Variants in LIPI observed in about 807,000 individuals in gnomAD.
The protein encoded by LIPI is lipase I, also known as lipase member I.
In LIPI, 59 loss-of-function variants were observed where a neutral mutation model predicts 50.6. The observed-to-expected ratio is 1.16, with a 90% confidence interval of 0.94 to 1.45. The LOEUF (loss-of-function observed/expected upper bound fraction) is 1.45. LIPI is among the 40% of genes most tolerant of loss of function. LIPI has a pLI of 0.00. For missense variants in LIPI, 586 were observed against 536.3 expected (o/e 1.09, Z -0.92); for synonymous variants, 203 against 178.2 (o/e 1.14, Z -1.11).
chr21:14,198,180 G>A (rs1600932320), intron 1 of LIPI, among the ~76,000 whole-genome samples: 3 of 151,830 alleles, frequency 2.0e-5, no homozygotes, highest in African/African-American at 4.8e-5. Context: ...TGAAGTACAC[G>A]ACCAGTGACA....
chr21:14,161,011 A>G (rs1447118734), intron 7 of LIPI, among the ~76,000 whole-genome samples: 1 of 151,346 alleles, frequency 6.6e-6, no homozygotes, highest in African/African-American at 2.4e-5. Context: ...TAGATCACTT[A>G]TATTTTAATT....
chr21:14,169,571 G>A (rs1364346272), intron 4 of LIPI, among the ~76,000 whole-genome samples: 3 of 152,118 alleles, frequency 2.0e-5, no homozygotes, highest in Non-Finnish European at 2.9e-5. Flanking sequence ...ACTCAAAACC[G>A]TTCAACTACA....
At chr21:14,173,309 A>G (rs1490531821) in intron 4 of LIPI, among the ~76,000 whole-genome samples, 1 of 152,204 alleles carries the variant, frequency 6.6e-6, no homozygotes, top group East Asian at 1.9e-4. Context: ...TGCTGGATTC[A>G]CTAACTGGAA....
intron 9 of LIPI, 160 bp downstream of exon 9, chr21:14,144,463 C>A: frequency 2.2e-6 from 1 of 451,434 alleles, no homozygotes; most frequent in Non-Finnish European, 4.0e-6. Flanking sequence ...GCCAAAAAAA[C>A]CTTTATACCT....
intron 1 of LIPI, among the ~76,000 whole-genome samples, chr21:14,200,049 A>T (rs188267884): frequency 2.0e-4 from 30 of 152,262 alleles, no homozygotes; most frequent in African/African-American, 5.8e-4. Flanking sequence ...GTAAAATTCA[A>T]CATCGCTTCA....
chr21:14,185,889 A>C, intron 3 of LIPI, 72 bp downstream of exon 3: 1 of 952,708 alleles, frequency 1.0e-6, no homozygotes, highest in South Asian at 1.4e-5. Flanking sequence ...TCTCAAAAAA[A>C]AAAAAATTAG....
chr21:14,149,000 C>T (rs2017998667), intron 8 of LIPI, among the ~76,000 whole-genome samples: 1 of 152,086 alleles, frequency 6.6e-6, no homozygotes, highest in African/African-American at 2.4e-5. Flanking sequence ...GCCTTCTGAA[C>T]AAATTTGAAA....
chr21:14,160,332 A>C (rs2018419492), intron 7 of LIPI, among the ~76,000 whole-genome samples: 2 of 151,334 alleles, frequency 1.3e-5, no homozygotes, highest in South Asian at 4.1e-4. Context: ...CCCAACACAA[A>C]TAGGTACAAA....
In LIPI at chr21:14,189,699, A is replaced by G. The variant is rs548704662; in HGVS notation, c.47-280T>C. Reference sequence around the variant, plus strand: ...ATAATAGTAATGGGTGTGAGCGAAAATAAGATTGTTAATAAAGTGCAATGG... The same window carrying G: ...ATAATAGTAATGGGTGTGAGCGAAAGTAAGATTGTTAATAAAGTGCAATGG... On this transcript the variant is annotated intron_variant, in intron 1 of 9. Transcript: ENST00000681601. Among the ~76,000 whole-genome samples, 3 of 152,272 alleles carry G rather than the reference A, an allele frequency of 2.0e-5. No homozygotes were observed. In the East Asian group the frequency reaches 5.8e-4, roughly 29 times the overall value.
chr21:14,190,569 C>A (rs1182223007), intron 1 of LIPI, among the ~76,000 whole-genome samples: 1 of 151,988 alleles, frequency 6.6e-6, no homozygotes, highest in Non-Finnish European at 1.5e-5. Context: ...TACAATAATT[C>A]TAGTTTTCAA....
In LIPI at chr21:14,181,861, T is replaced by A; in HGVS notation, c.542-2A>T. Reference sequence around the variant, plus strand: ...ACCTTGGCCCAGCAGGGTCAAGACCTGGAAAGCAAGAAAGAAATAATCAGT... The same window carrying A: ...ACCTTGGCCCAGCAGGGTCAAGACCAGGAAAGCAAGAAAGAAATAATCAGT... On this transcript the variant is annotated splice_acceptor_variant, in intron 3 of 9. Transcript: ENST00000681601. LOFTEE classifies it high-confidence loss of function. The A allele has an allele frequency of 6.4e-7, 1 of 1,567,470 alleles. No individual in the cohort carries two copies. The highest frequency in any genetic ancestry group is 8.8e-7 in the Non-Finnish European group (1 of 1,138,496).
chr21:14,181,232 T>C lies in LIPI; in HGVS notation c.643+526A>G, dbSNP rs80264866. 2.3e-4 allele frequency among the ~76,000 whole-genome samples: 35 copies of C among 152,322 alleles called. No individual in the cohort carries two copies. The East Asian group carries it at 6.4e-3, about 28-fold the overall frequency. ...CTGTTTCTTAAAAGTGTCTGTTCAA[T>C]TGTACTCTGGCCAAAAATCCAATAC... On this transcript the variant is annotated intron_variant, in intron 4 of 9. Coordinates refer to ENST00000681601, the MANE Select transcript of LIPI (RefSeq NM_001302998.2).
chr21:14,173,162 G>A (rs1203115284), intron 4 of LIPI, among the ~76,000 whole-genome samples: 1 of 152,178 alleles, frequency 6.6e-6, no homozygotes, highest in Non-Finnish European at 1.5e-5. Flanking sequence ...GAATACGCTC[G>A]GCGAAGAAGC....
intron 4 of LIPI, among the ~76,000 whole-genome samples, chr21:14,166,736 T>A (rs550348927): frequency 6.6e-6 from 1 of 152,210 alleles, no homozygotes; most frequent in African/African-American, 2.4e-5. Flanking sequence ...GCAGCCAAGA[T>A]GGCCGAATAG....
intron 7 of LIPI, among the ~76,000 whole-genome samples, chr21:14,157,976 G>A (rs758468947): frequency 2.6e-5 from 4 of 151,790 alleles, no homozygotes; most frequent in Non-Finnish European, 5.9e-5. Context: ...TTATGTCCAA[G>A]TACTTATATC....
At chr21:14,155,578 A>T (rs993261334) in intron 7 of LIPI, among the ~76,000 whole-genome samples, 1 of 152,070 alleles carries the variant, frequency 6.6e-6, no homozygotes, top group Non-Finnish European at 1.5e-5. Context: ...GCAGCCAGAA[A>T]GAAATGATGC....
At chr21:14,153,010 C>G (rs1050937483) in intron 7 of LIPI, among the ~76,000 whole-genome samples, 1 of 152,052 alleles carries the variant, frequency 6.6e-6, no homozygotes, top group African/African-American at 2.4e-5. Flanking sequence ...GCCAATTAAG[C>G]AACTTTTACT....
chr21:14,141,589 C>T (rs996253763), intron 9 of LIPI, among the ~76,000 whole-genome samples: 4 of 151,788 alleles, frequency 2.6e-5, no homozygotes, highest in Non-Finnish European at 5.9e-5. Flanking sequence ...ATTGTTATAC[C>T]TTTTCTTCTT....
At position 14,210,935 on chromosome 21, in the gene LIPI, C is replaced by G; in HGVS notation, c.-90G>C. 9.0e-7 allele frequency: 1 copy of G among 1,107,284 alleles called. No individual in the cohort carries two copies. The allele number at this position is 1,107,284 out of a possible 1,614,324, so 68.6% of individuals were successfully genotyped here. ...AGGTTTCTCTTTGGTAGGATCATCACAGGCTGGCAGGTTCTTCTGTAAAAG... is the reference window on the plus strand; with the variant it reads ...AGGTTTCTCTTTGGTAGGATCATCAGAGGCTGGCAGGTTCTTCTGTAAAAG... On this transcript the variant is annotated 5_prime_UTR_variant, in exon 1 of 10. Transcript: ENST00000681601.
Sources: allele counts gnomAD v4.1 joint callset (sites outside exome capture counted in the v4.1 genomes callset), GRCh38; gene constraint gnomAD v4.1.1; transcripts MANE v1.5; gene names NCBI Gene and HGNC (gene_info 2026-07-23, HGNC 2026-07-21).